Variants in XPNPEP3 observed in about 807,000 individuals in gnomAD.
XPNPEP3 encodes xaa-Pro aminopeptidase 3.
XPNPEP3 carries 41 observed loss-of-function variants against 60.0 expected under a neutral mutation model. That is an observed-to-expected ratio of 0.68 (90% CI 0.53 to 0.89). The LOEUF (loss-of-function observed/expected upper bound fraction) is 0.89. XPNPEP3 is among the 40% of genes least tolerant of loss of function. XPNPEP3 has a pLI of 0.00. For synonymous variants in XPNPEP3, 212 were observed against 223.2 expected, an observed-to-expected ratio of 0.95 and a Z score of 0.45; for missense variants, 598 against 638.9, an observed-to-expected ratio of 0.94 and a Z score of 0.69.
intron 4 of XPNPEP3, among the ~76,000 whole-genome samples, chr22:40,893,642 G>A (rs1399359874): frequency 6.6e-6 from 1 of 151,608 alleles, no homozygotes; most frequent in Admixed American, 6.6e-5. Flanking sequence ...TTGAGATGGA[G>A]TTTCACTCTT....
intron 1 of XPNPEP3, chr22:40,860,917 C>G: frequency 1.3e-6 from 1 of 754,040 alleles, no homozygotes; most frequent in Non-Finnish European, 2.1e-6. Flanking sequence ...CTGACATACC[C>G]ATTCAAAAAA....
Position 40,857,205 on chromosome 22 carries a change from C to G in XPNPEP3, c.24C>G (p.Pro8=). MPWLLSA[P]KLVPAVANVR... ...TAATGCCTTGGCTGCTCTCAGCCCC[C>G]AAGCTGGTTCCCGCTGTAGCAAACG... Residue 8 remains proline (P), a synonymous_variant, in exon 1 of 10, where the codon CCC becomes CCG. Transcript: ENST00000357137. The G allele has an allele frequency of 1.2e-6, 2 of 1,614,238 alleles. No individual in the cohort carries two copies. The highest frequency in any genetic ancestry group is 8.5e-7 in the Non-Finnish European group (1 of 1,180,036).
chr22:40,863,416 A>G (rs1601487673), intron 1 of XPNPEP3, among the ~76,000 whole-genome samples: 1 of 152,112 alleles, frequency 6.6e-6, no homozygotes, highest in Non-Finnish European at 1.5e-5. Flanking sequence ...TGTTGTGTTT[A>G]TTTTATTTTC....
chr22:40,877,869 A>AT (rs1198076563), intron 2 of XPNPEP3, among the ~76,000 whole-genome samples: 3 of 152,008 alleles, frequency 2.0e-5, no homozygotes, highest in African/African-American at 7.3e-5. Context: ...GCTTTAACAC[A>AT]TTTTTTTTCC....
chr22:40,916,780 A>AT (rs1344452322), intron 7 of XPNPEP3, among the ~76,000 whole-genome samples: 2 of 152,202 alleles, frequency 1.3e-5, no homozygotes, highest in Non-Finnish European at 2.9e-5. Flanking sequence ...TATTTGGGTG[A>AT]TAAAAATATC....
rs188073987 is a variant in XPNPEP3, at chr22:40,884,797, A to T, written c.590-1516A>T. 5.3e-5 allele frequency among the ~76,000 whole-genome samples: 8 copies of T among 150,538 alleles called. No individual in the cohort carries two copies. In the East Asian group the frequency reaches 1.6e-3, roughly 31 times the overall value. ...TCCCAGCACTTCGGGAGGCCAAGGGAGGTGGATTGCCTGAGATCAGGAGTT... is the reference window on the plus strand; with the variant it reads ...TCCCAGCACTTCGGGAGGCCAAGGGTGGTGGATTGCCTGAGATCAGGAGTT... On this transcript the variant is annotated intron_variant, in intron 3 of 9. Transcript: ENST00000357137.
chr22:40,919,087 GTGTTT>G lies in XPNPEP3; in HGVS notation c.1056-3239_1056-3235del, dbSNP rs1407534341. On this transcript the variant is annotated intron_variant, in intron 7 of 9. Transcript: ENST00000357137. ...TTGATTTGTTTGGCTTTTTATATCT[GTGTTT>G]TGTTTTACAATTAAAAATTTTTTAA... Among the ~76,000 whole-genome samples the G allele has an allele frequency of 1.3e-5, 2 of 151,878 alleles. 1 individual carries two copies. The highest frequency in any genetic ancestry group is 3.9e-4 in the East Asian group (2 of 5,190).
intron 4 of XPNPEP3, among the ~76,000 whole-genome samples, chr22:40,905,926 G>A (rs542450165): frequency 7.9e-5 from 12 of 152,080 alleles, no homozygotes; most frequent in Admixed American, 2.0e-4. Context: ...TGAGTAGCTG[G>A]GATTACAGGT....
In XPNPEP3 at chr22:40,931,263, G is replaced by A. The variant is rs1479488112; in HGVS notation, c.*4828G>A. ...CTGGAATTTTTCTCCCTGAATTGAA[G>A]ATACATGGTTAGATCATTAACAATA... On this transcript the variant is annotated 3_prime_UTR_variant, in exon 10 of 10. Coordinates refer to ENST00000357137, the MANE Select transcript of XPNPEP3 (RefSeq NM_022098.4). The A allele has an allele frequency of 3.9e-5, 6 of 152,068 alleles. No individual in the cohort carries two copies. The highest frequency in any genetic ancestry group is 8.8e-5 in the Non-Finnish European group (6 of 68,024). 9.4% of individuals were successfully genotyped at this position (152,068 alleles called of 1,614,324 possible). A position where few individuals can be genotyped will look rare whatever the true frequency, so the allele number is the denominator to read the frequency against.
chr22:40,889,192 G>GGCTCA, intron 4 of XPNPEP3, among the ~76,000 whole-genome samples: 1 of 151,838 alleles, frequency 6.6e-6, no homozygotes, highest in African/African-American at 2.4e-5. Context: ...CACCATGGCT[G>GGCTCA]TTTTTAGGTT....
chr22:40,891,852 G>A (rs912468819), intron 4 of XPNPEP3, among the ~76,000 whole-genome samples: 1 of 152,148 alleles, frequency 6.6e-6, no homozygotes, highest in African/African-American at 2.4e-5. Flanking sequence ...TCAACAGGTT[G>A]CATCCTTTAG....
At chr22:40,889,883 A>T (rs1462666328) in intron 4 of XPNPEP3, among the ~76,000 whole-genome samples, 1 of 152,208 alleles carries the variant, frequency 6.6e-6, no homozygotes, top group Admixed American at 6.5e-5. Flanking sequence ...AAGGGTTGGT[A>T]CTGATTTAAA....
At chr22:40,864,102 A>G (rs968413191) in intron 1 of XPNPEP3, among the ~76,000 whole-genome samples, 3 of 152,366 alleles carry the variant, frequency 2.0e-5, no homozygotes, top group Middle Eastern at 6.8e-3. Flanking sequence ...TGGCTACTCC[A>G]TAGGCAGAGC....
intron 4 of XPNPEP3, among the ~76,000 whole-genome samples, chr22:40,895,532 A>T (rs547648258): frequency 5.2e-4 from 79 of 152,060 alleles, no homozygotes; most frequent in Admixed American, 9.8e-4. Flanking sequence ...ACAGGGTTTC[A>T]CCATGTTGCC....
chr22:40,888,143 A>G (rs1259958787), intron 4 of XPNPEP3, among the ~76,000 whole-genome samples: 2 of 152,024 alleles, frequency 1.3e-5, no homozygotes, highest in African/African-American at 2.4e-5. Flanking sequence ...CTGTGAATCT[A>G]CCTATTCTAG....
chr22:40,904,521 T>C (rs999404781), intron 4 of XPNPEP3, among the ~76,000 whole-genome samples: 7 of 152,028 alleles, frequency 4.6e-5, no homozygotes. Context: ...TGCCCTCCAG[T>C]GTGGGCAACA....
At chr22:40,879,661 G>A (rs1278128463) in intron 2 of XPNPEP3, among the ~76,000 whole-genome samples, 3 of 152,080 alleles carry the variant, frequency 2.0e-5, no homozygotes, top group African/African-American at 4.8e-5. Context: ...GGACAACATG[G>A]TGAAATCTTG....
chr22:40,886,880 A>C (rs2058071533), intron 4 of XPNPEP3, among the ~76,000 whole-genome samples: 1 of 151,990 alleles, frequency 6.6e-6, no homozygotes, highest in African/African-American at 2.4e-5. Context: ...AGATTGGAAA[A>C]ATCGTAAGCT....
chr22:40,866,495 A>C (rs2057979419), intron 1 of XPNPEP3, among the ~76,000 whole-genome samples: 2 of 152,060 alleles, frequency 1.3e-5, no homozygotes, highest in South Asian at 4.2e-4. Context: ...AGACTAAGAG[A>C]ACTATATTTT....
Sources: gnomAD v4.1 joint callset for allele counts (sites outside exome capture counted in the v4.1 genomes callset) on GRCh38, gnomAD v4.1.1 for gene constraint, MANE v1.5 for transcripts, NCBI Gene and HGNC (gene_info 2026-07-23, HGNC 2026-07-21) for gene names.